ARHGAP24: variants seen among roughly 807,000 people sequenced by gnomAD.
ARHGAP24 encodes the protein rho GTPase-activating protein 24.
Under a neutral mutation model 76.4 loss-of-function variants are expected in ARHGAP24, and 50 were observed. The ratio of observed to expected loss-of-function variants is 0.65; its 90% CI spans 0.52 to 0.83. The LOEUF (loss-of-function observed/expected upper bound fraction) is 0.83, where lower values mean the gene tolerates loss of function less well. Ranked by LOEUF, ARHGAP24 falls within the 40% of genes least tolerant of loss-of-function variation. ARHGAP24 has a pLI of 0.00. For synonymous variants in ARHGAP24, 345 were observed against 323.3 expected, an observed-to-expected ratio of 1.07 and a Z score of -0.72; for missense variants, 930 against 914.2, an observed-to-expected ratio of 1.02 and a Z score of -0.22.
intron 1 of ARHGAP24, among the ~76,000 whole-genome samples, chr4:85,549,149 T>A (rs868479288): frequency 5.4e-5 from 8 of 149,448 alleles, no homozygotes; most frequent in Middle Eastern, 3.3e-3. Context: ...ACATAAGGAT[T>A]CCATTTCTCT....
chr4:85,822,368 A>G (rs190676218), intron 3 of ARHGAP24, among the ~76,000 whole-genome samples: 34 of 152,276 alleles, frequency 2.2e-4, no homozygotes, highest in Admixed American at 2.0e-3. Flanking sequence ...CTCTGTTCCC[A>G]AGAAGATTTA....
At chr4:85,725,342 A>C (rs926638345) in intron 3 of ARHGAP24, among the ~76,000 whole-genome samples, 7 of 152,184 alleles carry the variant, frequency 4.6e-5, no homozygotes, top group African/African-American at 1.4e-4. Context: ...CTTATGGAAG[A>C]ATCTCAGTCA....
At chr4:85,863,896 G>A (rs999260302) in intron 3 of ARHGAP24, among the ~76,000 whole-genome samples, 1 of 152,058 alleles carries the variant, frequency 6.6e-6, no homozygotes, top group African/African-American at 2.4e-5. Context: ...AGCGGAAAAA[G>A]ACCAGCTAGT....
intron 9 of ARHGAP24, among the ~76,000 whole-genome samples, chr4:85,997,337 TA>T (rs1404843914): frequency 6.7e-6 from 1 of 149,450 alleles, no homozygotes; most frequent in African/African-American, 2.5e-5. Flanking sequence ...GATAGATAGA[TA>T]GATAGAGAGA....
At chr4:85,577,126 T>A (rs1468986637) in intron 2 of ARHGAP24, among the ~76,000 whole-genome samples, 1 of 151,094 alleles carries the variant, frequency 6.6e-6, no homozygotes, top group Non-Finnish European at 1.5e-5. Context: ...CTCATTCATT[T>A]GATTTTTTAA....
chr4:85,971,295 T>C (rs1267365713), intron 5 of ARHGAP24, among the ~76,000 whole-genome samples: 1 of 152,202 alleles, frequency 6.6e-6, no homozygotes, highest in Non-Finnish European at 1.5e-5. Context: ...ATTTTGATAT[T>C]GAATACACAC....
chr4:85,749,312 C>A (rs1726165418), intron 3 of ARHGAP24, among the ~76,000 whole-genome samples: 1 of 152,128 alleles, frequency 6.6e-6, no homozygotes, highest in African/African-American at 2.4e-5. Context: ...TTTCCTGTGC[C>A]AACTATGTTA....
chr4:85,787,630 A>G (rs1727912780), intron 3 of ARHGAP24, among the ~76,000 whole-genome samples: 1 of 152,234 alleles, frequency 6.6e-6, no homozygotes, highest in South Asian at 2.1e-4. Context: ...CAACAACAAA[A>G]TAAAACAGAT....
rs72970065 is a variant in ARHGAP24, at chr4:85,873,096, A to G, written c.269-50552A>G. On this transcript the variant is annotated intron_variant, in intron 3 of 9. Coordinates refer to ENST00000395184, the MANE Select transcript of ARHGAP24 (RefSeq NM_001025616.3). The stretch of plus-strand genomic sequence containing the variant: ...AGTGTGTGATGGTTAGCTATCCTCA[A>G]CAGAAAGCCTACTCCTTACTGGCAG... 9.2e-3 allele frequency among the ~76,000 whole-genome samples: 1,395 copies of G among 152,260 alleles called. 16 individuals are homozygous for G. The highest frequency in any genetic ancestry group is 0.035 in the East Asian group (183 of 5,178).
chr4:85,787,092 G>T (rs1727877984), intron 3 of ARHGAP24, among the ~76,000 whole-genome samples: 3 of 152,174 alleles, frequency 2.0e-5, no homozygotes, highest in Admixed American at 1.3e-4. Flanking sequence ...TATTGCTCTG[G>T]TCTTGTTACA....
chr4:85,781,337 C>T (rs974413754), intron 3 of ARHGAP24, among the ~76,000 whole-genome samples: 2 of 152,046 alleles, frequency 1.3e-5, no homozygotes, highest in Admixed American at 6.6e-5. Flanking sequence ...TAGAGCAAAA[C>T]GAATCACTGA....
chr4:85,683,708 CT>C (rs1723316058), intron 2 of ARHGAP24, among the ~76,000 whole-genome samples: 3 of 152,120 alleles, frequency 2.0e-5, no homozygotes, highest in Non-Finnish European at 4.4e-5. Flanking sequence ...GCTTTCTCAT[CT>C]TGCATGACTA....
intron 3 of ARHGAP24, among the ~76,000 whole-genome samples, chr4:85,856,258 T>C (rs1371317698): frequency 6.6e-6 from 1 of 152,130 alleles, no homozygotes. Context: ...TTCACTAGTG[T>C]CATTTACTTG....
intron 3 of ARHGAP24, among the ~76,000 whole-genome samples, chr4:85,844,325 C>A (rs147172411): frequency 6.6e-6 from 1 of 152,216 alleles, no homozygotes; most frequent in Non-Finnish European, 1.5e-5. Context: ...GTTACAGCAT[C>A]TCTAGCACAC....
chr4:85,663,384 G>GTGTGT (rs1722482646), intron 2 of ARHGAP24, among the ~76,000 whole-genome samples: 1 of 139,892 alleles, frequency 7.1e-6, no homozygotes, highest in Non-Finnish European at 1.6e-5. Flanking sequence ...CTGAGACTTT[G>GTGTGT]CTGAAGTTGC....
intron 8 of ARHGAP24, among the ~76,000 whole-genome samples, chr4:85,988,611 C>CT (rs1013327934): frequency 3.3e-5 from 5 of 150,840 alleles, no homozygotes; most frequent in East Asian, 1.9e-4. Flanking sequence ...TAATAATAAA[C>CT]TTTTTTTAAA....
intron 1 of ARHGAP24, among the ~76,000 whole-genome samples, chr4:85,488,892 T>G (rs1376467269): frequency 2.6e-5 from 4 of 152,190 alleles, no homozygotes; most frequent in Non-Finnish European, 2.9e-5. Flanking sequence ...TTGAAAGCAT[T>G]TTTATGGAGC....
At chr4:85,692,790 C>G (rs1027781439) in intron 2 of ARHGAP24, among the ~76,000 whole-genome samples, 18 of 152,186 alleles carry the variant, frequency 1.2e-4, no homozygotes, top group African/African-American at 4.3e-4. Flanking sequence ...CATCCAGATT[C>G]TAAACTCTAT....
At chr4:85,646,580 C>T (rs1206799351) in intron 2 of ARHGAP24, among the ~76,000 whole-genome samples, 1 of 151,998 alleles carries the variant, frequency 6.6e-6, no homozygotes, top group Non-Finnish European at 1.5e-5. Context: ...GATGCACTAT[C>T]TTAGGATTAA....
Sources: allele counts gnomAD v4.1 joint callset (sites outside exome capture counted in the v4.1 genomes callset), GRCh38; gene constraint gnomAD v4.1.1; transcripts MANE v1.5; gene names NCBI Gene and HGNC (gene_info 2026-07-23, HGNC 2026-07-21).